The following INSR variants were observed in gnomAD, a reference collection of about 807,000 sequenced individuals.
The protein encoded by INSR is IR.
In INSR, 67 loss-of-function variants were observed where a neutral mutation model predicts 142.6. The observed-to-expected ratio is 0.47, with a 90% CI of 0.39 to 0.58. The LOEUF is 0.58. Ranked by LOEUF, INSR falls within the 20% of genes least tolerant of loss-of-function variation. The pLI, the probability that INSR is intolerant of heterozygous loss-of-function variation, is 0.00. For synonymous variants in INSR, 756 were observed against 743.1 expected (o/e 1.02, Z -0.28); for missense variants, 1,248 against 1,833.2 (o/e 0.68, Z 5.83).
intron 2 of INSR, among the ~76,000 whole-genome samples, chr19:7,243,258 T>G (rs1049993403): frequency 1.7e-4 from 23 of 134,650 alleles, no homozygotes; most frequent in African/African-American, 6.7e-4. Context: ...TTTTTTTTTT[T>G]TTTTTGAGAT....
intron 14 of INSR, among the ~76,000 whole-genome samples, chr19:7,130,727 C>T (rs1427065085): frequency 6.6e-6 from 1 of 152,102 alleles, no homozygotes; most frequent in Admixed American, 6.6e-5. Context: ...AATTAAACCT[C>T]TTTTCTTTAT....
At chr19:7,292,085 G>GT (rs1968507241) in intron 1 of INSR, among the ~76,000 whole-genome samples, 2 of 150,842 alleles carry the variant, frequency 1.3e-5, no homozygotes, top group East Asian at 2.0e-4. Flanking sequence ...GAGCCACCAC[G>GT]CCCCGCCTTT....
chr19:7,134,439 C>G (rs1972858161), intron 13 of INSR, among the ~76,000 whole-genome samples: 1 of 121,404 alleles, frequency 8.2e-6, no homozygotes, highest in Admixed American at 8.8e-5. Flanking sequence ...TGCCACGGTG[C>G]TGCCTTTCGA....
intron 2 of INSR, among the ~76,000 whole-genome samples, chr19:7,239,682 C>T (rs1050394226): frequency 5.3e-5 from 8 of 152,054 alleles, no homozygotes; most frequent in Non-Finnish European, 1.2e-4. Flanking sequence ...AGAAACAAAC[C>T]GGAAACAATC....
intron 2 of INSR, among the ~76,000 whole-genome samples, chr19:7,185,861 A>G (rs1185959046): frequency 2.3e-5 from 3 of 128,358 alleles, no homozygotes; most frequent in Admixed American, 1.5e-4. Context: ...AAAAAAAAAG[A>G]GAGAGAGAGA....
chr19:7,195,397 C>T (rs1032133867), intron 2 of INSR, among the ~76,000 whole-genome samples: 8 of 152,108 alleles, frequency 5.3e-5, no homozygotes, highest in Non-Finnish European at 1.0e-4. Flanking sequence ...AATCCCAGCA[C>T]TTTGGGAGGC....
intron 3 of INSR, among the ~76,000 whole-genome samples, chr19:7,181,607 G>A (rs1974277029): frequency 7.1e-6 from 1 of 140,360 alleles, no homozygotes; most frequent in Non-Finnish European, 1.5e-5. Context: ...TGTCACACTT[G>A]CCTGGGGGCT....
At position 7,267,374 on chromosome 19, in the gene INSR, C is replaced by T. The variant is rs1189720431; in HGVS notation, c.623G>A (p.Arg208Gln). Residue 208 changes from arginine to glutamine, a missense_variant, in exon 2 of 22, where the codon CGA becomes CAA. This residue lies in a region of INSR where 1,069 missense variants were observed against 1,654.0 expected (regional missense o/e 0.65). Transcript: ENST00000302850. The surrounding 1 kb of genome is among the most constrained non-coding windows in gnomAD (Gnocchi z 6.3). The stretch of plus-strand genomic sequence containing the variant: ...CTGGCAGTGACTATGAGTCCAACAT[C>T]GTTCGACAAACTGCCCGTTGATGAC... ...ATVINGQFVE[R>Q]CWTHSHCQKV... 1 of 1,614,198 alleles carries T rather than the reference C, an allele frequency of 6.2e-7. No homozygotes were observed.
rs571679755 is a variant in INSR at position 7,181,781 on chromosome 19, G to A, written c.974+2535C>T. Among the ~76,000 whole-genome samples, 141 of 150,946 alleles carry A rather than the reference G, an allele frequency of 9.3e-4. 1 individual carries two copies. Among genetic ancestry groups the A allele is most frequent in the African/African-American group, 1.3e-3 (53 of 41,188 alleles). The stretch of plus-strand genomic sequence containing the variant: ...TTTTTAGTAAAGACGGGGTTTCACC[G>A]TGGTGGCCAGGCTGACCTTGAACTC... On this transcript the variant is annotated intron_variant, in intron 3 of 21. Coordinates refer to ENST00000302850, the MANE Select transcript of INSR (RefSeq NM_000208.4).
chr19:7,140,328 C>T (rs888276934), intron 13 of INSR, among the ~76,000 whole-genome samples: 20 of 152,162 alleles, frequency 1.3e-4, no homozygotes, highest in Non-Finnish European at 2.2e-4. Flanking sequence ...TGGTCCACCA[C>T]GTGTTTTTGT....
intron 2 of INSR, among the ~76,000 whole-genome samples, chr19:7,246,683 T>C (rs1976544998): frequency 6.6e-6 from 1 of 152,232 alleles, no homozygotes; most frequent in South Asian, 2.1e-4. Context: ...TACAACAAGT[T>C]CCCAGTTTTA....
intron 11 of INSR, among the ~76,000 whole-genome samples, chr19:7,143,825 C>T (rs562620924): frequency 3.3e-5 from 5 of 152,180 alleles, no homozygotes; most frequent in African/African-American, 4.8e-5. Context: ...GAGGCCAAGG[C>T]GGGCAGATAA....
intron 17 of INSR, 81 bp from the exon 18 acceptor site, chr19:7,123,070 T>C (rs1972534083): frequency 2.9e-6 from 3 of 1,022,810 alleles, no homozygotes; most frequent in African/African-American, 3.2e-5. Flanking sequence ...CTGGTGTCTA[T>C]GTCACACACA....
At chr19:7,249,010 C>T (rs564449675) in intron 2 of INSR, among the ~76,000 whole-genome samples, 6 of 152,182 alleles carry the variant, frequency 3.9e-5, no homozygotes, top group South Asian at 4.2e-4. Flanking sequence ...CCGCCCACCT[C>T]GGCCTCCCAA....
chr19:7,164,654 CAAAAA>C (rs539037803), intron 8 of INSR, among the ~76,000 whole-genome samples: 11 of 76,052 alleles, frequency 1.4e-4, no homozygotes, highest in South Asian at 7.6e-4. Flanking sequence ...CTTGTCTCTA[CAAAAA>C]AAAAAAAAAA....
At chr19:7,193,086 C>A (rs1974643500) in intron 2 of INSR, among the ~76,000 whole-genome samples, 1 of 151,906 alleles carries the variant, frequency 6.6e-6, no homozygotes, top group Non-Finnish European at 1.5e-5. Context: ...CACCAAGAGG[C>A]AAGTGCAATT....
chr19:7,266,288 T>C (rs1162343984), intron 2 of INSR, among the ~76,000 whole-genome samples: 1 of 152,210 alleles, frequency 6.6e-6, no homozygotes, highest in Non-Finnish European at 1.5e-5. Flanking sequence ...GACCCAGAAA[T>C]TGCACTTCTG....
chr19:7,269,376 A>AACAC (rs60776874), intron 1 of INSR, among the ~76,000 whole-genome samples: 155 of 134,784 alleles, frequency 1.1e-3, no homozygotes, highest in East Asian at 4.5e-3. Flanking sequence ...AAGTCGAGAA[A>AACAC]ACACACACAC....
chr19:7,197,853 A>AAC lies in INSR; in HGVS notation c.653-13218_653-13217dup, dbSNP rs1974818327. ...GAGAGAACGAGAGAGAGAGAGAGAG[A>AAC]ACGAGAGAGAGTGTGTGCGCGTGTG... is the stretch of plus-strand genomic sequence containing the variant. On this transcript the variant is annotated intron_variant, in intron 2 of 21. Coordinates refer to ENST00000302850, the MANE Select transcript of INSR (RefSeq NM_000208.4). Among the ~76,000 whole-genome samples the AAC allele has an allele frequency of 1.9e-5, 2 of 103,358 alleles. 1 individual carries two copies. The highest frequency in any genetic ancestry group is 3.9e-5 in the Non-Finnish European group (2 of 50,756). The allele number at this position is 103,358 out of a possible 152,430, so 67.8% of individuals were successfully genotyped here.
Sources: allele counts gnomAD v4.1 joint callset (sites outside exome capture counted in the v4.1 genomes callset), GRCh38; gene constraint gnomAD v4.1.1; regional missense constraint gnomAD v4.1.1; non-coding constraint Gnocchi (gnomAD v3.1); transcripts MANE v1.5; gene names NCBI Gene and HGNC (gene_info 2026-07-23, HGNC 2026-07-21).